NOS1: variants seen among roughly 807,000 people sequenced by gnomAD.
NOS1 encodes the protein nitric oxide synthase 1, also known as NOS type I.
In NOS1, 51 loss-of-function variants were observed where a neutral mutation model predicts 164.5. The observed-to-expected ratio is 0.31, with a 90% CI of 0.25 to 0.39. The LOEUF is 0.39. Among genes scored for constraint, NOS1 ranks in the 10% least tolerant of loss-of-function variants. The pLI, the probability that NOS1 is intolerant of heterozygous loss-of-function variation, is 1.00. For missense variants in NOS1, 1,362 were observed against 1,885.6 expected (o/e 0.72, Z 5.14); for synonymous variants, 719 against 745.8 (o/e 0.96, Z 0.59).
chr12:117,238,474 A>T (rs2893707), intron 20 of NOS1, among the ~76,000 whole-genome samples: 31,929 of 152,018 alleles, frequency 0.21, 3,548 homozygotes, highest in Middle Eastern at 0.35. Flanking sequence ...CCATTTCTCC[A>T]GGACCCCTCT....
At position 117,340,599 on chromosome 12, in the gene NOS1, G is replaced by A. The variant is rs542791883; in HGVS notation, c.-420-9110C>T. ...GGCTGGAGTGTGGTGGCGCAATCTC[G>A]GCTCGCTGCAACCTCTGCCTCCCAG... On this transcript the variant is annotated intron_variant, in intron 1 of 28. Transcript: ENST00000317775. Among the ~76,000 whole-genome samples the A allele has an allele frequency of 3.9e-5, 6 of 152,202 alleles. No individual in the cohort carries two copies. The East Asian group carries it at 9.7e-4, about 24-fold the overall frequency.
Position 117,214,802 on chromosome 12 carries a change from C to CA in NOS1, c.*506dup, listed in dbSNP as rs934124514. The CA allele has an allele frequency of 5.6e-5, 55 of 985,154 alleles. No homozygotes were observed. In the African/African-American group the frequency reaches 7.7e-4, roughly 14 times the overall value. 61.0% of individuals were successfully genotyped at this position (985,154 alleles called of 1,614,324 possible). On this transcript the variant is annotated 3_prime_UTR_variant, in exon 29 of 29. Transcript: ENST00000317775. ...GCAATCTAAGATCGACACACTTGTG[C>CA]AGGGAAGAGGACGGACAGAGACCTG...
At chr12:117,313,742 T>G (rs1874545282) in intron 2 of NOS1, among the ~76,000 whole-genome samples, 1 of 152,172 alleles carries the variant, frequency 6.6e-6, no homozygotes, top group Non-Finnish European at 1.5e-5. Flanking sequence ...CCAGATGGCC[T>G]CATCAGACCT....
intron 1 of NOS1, among the ~76,000 whole-genome samples, chr12:117,358,326 AC>A (rs1289575754): frequency 3.5e-5 from 5 of 142,716 alleles, no homozygotes; most frequent in African/African-American, 4.9e-5. Flanking sequence ...CCATCACAAT[AC>A]CCCCGCCCTC....
intron 18 of NOS1, chr12:117,245,683 C>T (rs946914128): frequency 6.6e-6 from 1 of 152,172 alleles, no homozygotes; most frequent in Non-Finnish European, 1.5e-5. Flanking sequence ...TTTGGGAGGC[C>T]CCGGGGGGCA....
chr12:117,270,886 TA>T (rs1872743595), intron 10 of NOS1, among the ~76,000 whole-genome samples: 1 of 151,640 alleles, frequency 6.6e-6, no homozygotes, highest in Admixed American at 6.6e-5. Flanking sequence ...AAATAATAAT[TA>T]AAAAAATTAG....
At chr12:117,357,490 T>C (rs942273846) in intron 1 of NOS1, among the ~76,000 whole-genome samples, 4 of 152,214 alleles carry the variant, frequency 2.6e-5, no homozygotes, top group Admixed American at 6.5e-5. Context: ...TCGATGAGGA[T>C]TGGACAATAA....
At chr12:117,252,178 A>G (rs914628835) in intron 17 of NOS1, among the ~76,000 whole-genome samples, 3 of 152,256 alleles carry the variant, frequency 2.0e-5, no homozygotes, top group Admixed American at 2.0e-4. Context: ...AAAATTAAAA[A>G]CATAATAATA....
chr12:117,340,319 T>A (rs1876037372), intron 1 of NOS1, among the ~76,000 whole-genome samples: 2 of 152,318 alleles, frequency 1.3e-5, no homozygotes, highest in Middle Eastern at 3.4e-3. Context: ...TATTATTTTT[T>A]AACAATGTTT....
At chr12:117,310,521 G>A (rs1874376531) in intron 3 of NOS1, among the ~76,000 whole-genome samples, 1 of 152,188 alleles carries the variant, frequency 6.6e-6, no homozygotes, top group Admixed American at 6.5e-5. Flanking sequence ...GTTTGTCAAT[G>A]CATAAAACAC....
chr12:117,344,826 A>G (rs972654570), intron 1 of NOS1, among the ~76,000 whole-genome samples: 3 of 152,164 alleles, frequency 2.0e-5, no homozygotes, highest in African/African-American at 7.2e-5. Context: ...GCATTAATAC[A>G]ATTTTCCAAG....
rs767978053 is a variant in NOS1 at position 117,330,663 on chromosome 12, G to A, written c.407C>T (p.Ser136Phe). Residue 136 changes from serine (S) to phenylalanine (F), a missense_variant, in exon 2 of 29, where the codon TCC (serine) becomes TTC (phenylalanine). Ser to Phe is a radical substitution (Grantham distance 155). This residue lies in a region of NOS1 where 362 missense variants were observed against 402.0 expected (regional missense o/e 0.90). Transcript: ENST00000317775. This position sits in a 1 kb window ranked among gnomAD's most constrained non-coding sequence, Gnocchi z 4.6. ...LGPPTKAVDL[S>F]HQPPAGKEQP... Reference sequence around the variant, plus strand: ...TTCTTTGCCGGCCGGTGGCTGGTGGGACAGATCCACGGCTTTGGTGGGGGG... The same window carrying A: ...TTCTTTGCCGGCCGGTGGCTGGTGGAACAGATCCACGGCTTTGGTGGGGGG... The A allele has an allele frequency of 1.2e-6, 2 of 1,612,902 alleles. No individual in the cohort carries two copies. The highest frequency in any genetic ancestry group is 2.2e-5 in the East Asian group (1 of 44,802).
At chr12:117,244,974 C>G (rs1252566879) in intron 18 of NOS1, among the ~76,000 whole-genome samples, 1 of 152,078 alleles carries the variant, frequency 6.6e-6, no homozygotes, top group Non-Finnish European at 1.5e-5. Context: ...GTTGCTCAGT[C>G]AAGGTTGGCT....
At chr12:117,353,243 A>T (rs1282950976) in intron 1 of NOS1, among the ~76,000 whole-genome samples, 1 of 152,028 alleles carries the variant, frequency 6.6e-6, no homozygotes, top group Non-Finnish European at 1.5e-5. Context: ...CTACCCATCT[A>T]TCAATCATCT....
In NOS1 at chr12:117,283,682, C is replaced by T. The variant is rs565956482; in HGVS notation, c.1382+1559G>A. 5.3e-5 allele frequency among the ~76,000 whole-genome samples: 8 copies of T among 151,790 alleles called. No individual in the cohort carries two copies. In the South Asian group the frequency reaches 1.0e-3, roughly 20 times the overall value. On this transcript the variant is annotated intron_variant, in intron 7 of 28. Coordinates refer to ENST00000317775, the MANE Select transcript of NOS1 (RefSeq NM_000620.5). ...ACTAGCCTGGCCAACATGGTGAAAC[C>T]CTGTCTCTACTAAAAATACAAAAAT...
At chr12:117,333,590 C>T (rs151073813) in intron 1 of NOS1, among the ~76,000 whole-genome samples, 43 of 152,288 alleles carry the variant, frequency 2.8e-4, no homozygotes, top group African/African-American at 9.4e-4. Flanking sequence ...GCCTGCATTA[C>T]GTAACTCTGT....
rs1592968420 is a variant in NOS1 at position 117,266,617 on chromosome 12, A to G, written c.1942-1107T>C. ...CAGTGGTGCAATCTCGGCTCGCCGC[A>G]ACCTCTATCTTCCAGGCTCAAGTGA... On this transcript the variant is annotated intron_variant, in intron 11 of 28. Coordinates refer to ENST00000317775, the MANE Select transcript of NOS1 (RefSeq NM_000620.5). 3.4e-5 allele frequency among the ~76,000 whole-genome samples: 5 copies of G among 148,964 alleles called. No homozygotes were observed. In the Admixed American group the frequency reaches 3.4e-4, roughly 10 times the overall value.
intron 17 of NOS1, among the ~76,000 whole-genome samples, chr12:117,250,353 A>G (rs1162183642): frequency 7.6e-6 from 1 of 130,766 alleles, no homozygotes; most frequent in African/African-American, 3.0e-5. Flanking sequence ...TTTTAGACAG[A>G]GTTTTGCTCT....
chr12:117,316,006 A>G (rs2136059557), intron 2 of NOS1, among the ~76,000 whole-genome samples: 1 of 152,346 alleles, frequency 6.6e-6, no homozygotes, highest in East Asian at 1.9e-4. Context: ...ATATCTGCAC[A>G]ATCCCATGTT....
Sources: allele counts gnomAD v4.1 joint callset (sites outside exome capture counted in the v4.1 genomes callset), GRCh38; gene constraint gnomAD v4.1.1; regional missense constraint gnomAD v4.1.1; non-coding constraint Gnocchi (gnomAD v3.1); transcripts MANE v1.5; gene names NCBI Gene and HGNC (gene_info 2026-07-23, HGNC 2026-07-21).